The following LRP1B variants were observed in gnomAD, a reference collection of about 807,000 sequenced individuals.
The protein encoded by LRP1B is low-density lipoprotein receptor-related protein 1B.
In LRP1B, 217 loss-of-function variants were observed where a neutral mutation model predicts 556.6. The observed-to-expected ratio is 0.39, with a 90% CI of 0.35 to 0.44. The LOEUF is 0.44. LRP1B is among the 20% of genes least tolerant of loss of function. The pLI is 1.00. For synonymous variants in LRP1B, 2,047 were observed against 1,865.8 expected (o/e 1.10, Z -2.50); for missense variants, 5,053 against 5,620.8 (o/e 0.90, Z 3.23).
chr2:141,769,243 T>C (rs1455937148), intron 2 of LRP1B, among the ~76,000 whole-genome samples: 1 of 152,128 alleles, frequency 6.6e-6, no homozygotes, highest in Non-Finnish European at 1.5e-5. Context: ...ACTTCATGAA[T>C]TGAAGGGCAA....
At chr2:141,492,123 A>G (rs2105114743) in intron 2 of LRP1B, among the ~76,000 whole-genome samples, 1 of 139,518 alleles carries the variant, frequency 7.2e-6, no homozygotes, top group Non-Finnish European at 1.6e-5. Flanking sequence ...ATGACTAAGT[A>G]TAAAAGAAAC....
chr2:140,587,740 A>C (rs1027429650), intron 43 of LRP1B, among the ~76,000 whole-genome samples: 1 of 152,166 alleles, frequency 6.6e-6, no homozygotes, highest in African/African-American at 2.4e-5. Flanking sequence ...ATATATCAAA[A>C]CATCACCTTG....
intron 1 of LRP1B, among the ~76,000 whole-genome samples, chr2:142,130,003 G>A (rs1027719063): frequency 6.6e-6 from 1 of 152,146 alleles, no homozygotes; most frequent in African/African-American, 2.4e-5. Flanking sequence ...CCAGGGGTGG[G>A]TTAGCCCCTC....
At chr2:141,362,594 G>T (rs541664142) in intron 3 of LRP1B, among the ~76,000 whole-genome samples, 1 of 152,296 alleles carries the variant, frequency 6.6e-6, no homozygotes, top group East Asian at 1.9e-4. Context: ...CAGGAAGAGA[G>T]ATTTCTAAAA....
chr2:141,267,119 G>T (rs1684918789), intron 3 of LRP1B, among the ~76,000 whole-genome samples: 1 of 152,144 alleles, frequency 6.6e-6, no homozygotes, highest in African/African-American at 2.4e-5. Context: ...TCTGTGGGTT[G>T]GCAATTGTAT....
At chr2:142,113,932 C>T (rs1447117207) in intron 1 of LRP1B, among the ~76,000 whole-genome samples, 1 of 152,064 alleles carries the variant, frequency 6.6e-6, no homozygotes, top group Non-Finnish European at 1.5e-5. Flanking sequence ...GATAACAATG[C>T]CCTTTACCAA....
chr2:140,621,266 G>C (rs1202897242), intron 41 of LRP1B, among the ~76,000 whole-genome samples: 2 of 150,760 alleles, frequency 1.3e-5, no homozygotes, highest in African/African-American at 4.9e-5. Context: ...GGCGCCTGTA[G>C]TCCCAGGTAC....
At position 141,570,136 on chromosome 2, in the gene LRP1B, G is replaced by GAAAACAAAAC. The variant is rs58717096; in HGVS notation, c.206-89613_206-89604dup. 1.0e-4 allele frequency among the ~76,000 whole-genome samples: 15 copies of GAAAACAAAAC among 149,656 alleles called. 1 individual carries two copies. In the South Asian group the frequency reaches 1.1e-3, roughly 11 times the overall value. ...CAGAGGCATTTGGAGGCTCCCATGG[G>GAAAACAAAAC]AAAACAAAACAAAACAAAACAAAAC... On this transcript the variant is annotated intron_variant, in intron 2 of 90. Coordinates refer to ENST00000389484, the MANE Select transcript of LRP1B (RefSeq NM_018557.3).
intron 62 of LRP1B, among the ~76,000 whole-genome samples, chr2:140,454,663 A>T (rs1687024387): frequency 6.6e-6 from 1 of 152,206 alleles, no homozygotes; most frequent in African/African-American, 2.4e-5. Flanking sequence ...AAATTGGGAA[A>T]TAATTTTATT....
At chr2:140,666,068 A>G (rs1685257971) in intron 41 of LRP1B, among the ~76,000 whole-genome samples, 1 of 150,506 alleles carries the variant, frequency 6.6e-6, no homozygotes, top group African/African-American at 2.5e-5. Context: ...ATCTCAGCTC[A>G]CTGCAACCTC....
chr2:140,573,610 T>A (rs1681410777), intron 43 of LRP1B, among the ~76,000 whole-genome samples: 1 of 152,054 alleles, frequency 6.6e-6, no homozygotes, highest in African/African-American at 2.4e-5. Context: ...TTGATGACAG[T>A]CATTCTATGG....
In LRP1B at chr2:141,494,385, A is replaced by G. The variant is rs185347759; in HGVS notation, c.206-13852T>C. Among the ~76,000 whole-genome samples, 4 of 152,316 alleles carry G rather than the reference A, an allele frequency of 2.6e-5. No individual in the cohort carries two copies. The East Asian group carries it at 7.7e-4, about 29-fold the overall frequency. ...GGTAATCAATTGCATATTAAAAATG[A>G]CAAAGCCTTAACTGGGCTTGAGTTG... On this transcript the variant is annotated intron_variant, in intron 2 of 90. Coordinates refer to ENST00000389484, the MANE Select transcript of LRP1B (RefSeq NM_018557.3).
chr2:140,374,698 A>G (rs1683143731), intron 68 of LRP1B, among the ~76,000 whole-genome samples: 1 of 152,154 alleles, frequency 6.6e-6, no homozygotes, highest in Admixed American at 6.6e-5. Context: ...ACAAATGTAA[A>G]TTAACATCTC....
chr2:140,828,331 C>T (rs1465253580), intron 31 of LRP1B, among the ~76,000 whole-genome samples: 17 of 152,022 alleles, frequency 1.1e-4, no homozygotes, highest in East Asian at 3.9e-4. Flanking sequence ...CACAAAGGGC[C>T]GGGCGCGGTG....
At chr2:142,105,009 T>G (rs1178199273) in intron 1 of LRP1B, among the ~76,000 whole-genome samples, 1 of 152,086 alleles carries the variant, frequency 6.6e-6, no homozygotes, top group Non-Finnish European at 1.5e-5. Context: ...GTTCACAGTC[T>G]AAGAGAAAAA....
intron 31 of LRP1B, among the ~76,000 whole-genome samples, chr2:140,822,569 ATAAT>A (rs1312446240): frequency 6.6e-6 from 1 of 152,220 alleles, no homozygotes; most frequent in African/African-American, 2.4e-5. Flanking sequence ...AGATTCAGAA[ATAAT>A]TAATTGTGAG....
chr2:141,093,269 T>C (rs1031288236), intron 7 of LRP1B, among the ~76,000 whole-genome samples: 1 of 152,156 alleles, frequency 6.6e-6, no homozygotes, highest in African/African-American at 2.4e-5. Context: ...CAAAATATTT[T>C]ATGTTCAATT....
intron 2 of LRP1B, among the ~76,000 whole-genome samples, chr2:141,792,469 G>A (rs1472150770): frequency 6.6e-6 from 1 of 151,928 alleles, no homozygotes; most frequent in African/African-American, 2.4e-5. Flanking sequence ...ACCAGTGAAA[G>A]ACTCCATCAG....
chr2:140,837,628 T>G (rs1040781347), intron 31 of LRP1B, among the ~76,000 whole-genome samples: 1 of 152,110 alleles, frequency 6.6e-6, no homozygotes, highest in Non-Finnish European at 1.5e-5. Context: ...GGTGAGTTCA[T>G]GACCTTTGTA....
Sources: gnomAD v4.1 joint callset for allele counts (sites outside exome capture counted in the v4.1 genomes callset) on GRCh38, gnomAD v4.1.1 for gene constraint, MANE v1.5 for transcripts, NCBI Gene and HGNC (gene_info 2026-07-23, HGNC 2026-07-21) for gene names.